Variants in DGKB observed in about 807,000 individuals in gnomAD.
DGKB encodes the protein 90 kDa diacylglycerol kinase.
In DGKB, 67 loss-of-function variants were observed where a neutral mutation model predicts 114.3. The ratio of observed to expected loss-of-function variants is 0.59; its 90% CI spans 0.48 to 0.72. The LOEUF is 0.72. DGKB is among the 30% of genes least tolerant of loss of function. The probability of loss-of-function intolerance (pLI) is 0.00; values close to 1 mark genes in which losing one functional copy is unlikely to be tolerated. For synonymous variants in DGKB, 398 were observed against 323.1 expected (o/e 1.23, Z -2.49); for missense variants, 907 against 975.2 (o/e 0.93, Z 0.93).
intron 21 of DGKB, among the ~76,000 whole-genome samples, chr7:14,393,008 T>TTTTTTTTTTTTTTTTTA (rs71033995): frequency 7.4e-6 from 1 of 134,840 alleles, no homozygotes; most frequent in African/African-American, 2.8e-5. Context: ...TTTTTTTTTT[T>TTTTTTTTTTTTTTTTTA]GAGACGGAGT....
intron 1 of DGKB, among the ~76,000 whole-genome samples, chr7:14,870,035 C>A (rs1221049104): frequency 1.3e-5 from 2 of 152,060 alleles, no homozygotes; most frequent in African/African-American, 4.8e-5. Flanking sequence ...TATTGAGACC[C>A]AGAGTTGCAT....
At chr7:14,436,729 C>G (rs1368442837) in intron 21 of DGKB, among the ~76,000 whole-genome samples, 1 of 152,018 alleles carries the variant, frequency 6.6e-6, no homozygotes, top group Non-Finnish European at 1.5e-5. Context: ...GCAAGAGGTA[C>G]ACATGTTTCT....
chr7:14,256,202 A>T (rs1448248415), intron 23 of DGKB, among the ~76,000 whole-genome samples: 1 of 151,982 alleles, frequency 6.6e-6, no homozygotes, highest in Non-Finnish European at 1.5e-5. Context: ...CCTCTTCCAC[A>T]TACTCTGCAT....
intron 20 of DGKB, among the ~76,000 whole-genome samples, chr7:14,537,819 G>A (rs1223778398): frequency 2.0e-5 from 3 of 152,114 alleles, no homozygotes; most frequent in Non-Finnish European, 2.9e-5. Flanking sequence ...GGTGGCTCAC[G>A]CCTGTAATCC....
chr7:14,771,920 T>C (rs12333881), intron 2 of DGKB, among the ~76,000 whole-genome samples: 19,881 of 151,984 alleles, frequency 0.13, 1,743 homozygotes, highest in African/African-American at 0.26. Flanking sequence ...GAGATTTCTC[T>C]GCACAGTAAT....
chr7:14,248,165 A>T (rs1345324832), intron 23 of DGKB, among the ~76,000 whole-genome samples: 1 of 152,046 alleles, frequency 6.6e-6, no homozygotes. Flanking sequence ...ACCACAAATG[A>T]GTGGATTTAT....
At chr7:14,911,313 T>C (rs540860683) in intron 1 of DGKB, among the ~76,000 whole-genome samples, 1 of 152,276 alleles carries the variant, frequency 6.6e-6, no homozygotes, top group Non-Finnish European at 1.5e-5. Flanking sequence ...GAAAATATTT[T>C]AAATAATTGA....
At chr7:14,394,940 T>G (rs2128715778) in intron 21 of DGKB, among the ~76,000 whole-genome samples, 1 of 152,232 alleles carries the variant, frequency 6.6e-6, no homozygotes, top group South Asian at 2.1e-4. Context: ...GGGTCAACTT[T>G]TCTGTATGTA....
intron 23 of DGKB, among the ~76,000 whole-genome samples, chr7:14,239,830 T>C (rs902919540): frequency 3.3e-5 from 5 of 152,078 alleles, no homozygotes; most frequent in African/African-American, 4.8e-5. Flanking sequence ...ATCATTATTG[T>C]GTCTCCAAAC....
intron 1 of DGKB, among the ~76,000 whole-genome samples, chr7:14,940,367 AG>A (rs1785507172): frequency 6.6e-6 from 1 of 151,826 alleles, no homozygotes. Context: ...AATTTCTACA[AG>A]TTTTTATTGA....
At chr7:14,173,551 G>A (rs1781320250) in intron 25 of DGKB, among the ~76,000 whole-genome samples, 1 of 152,070 alleles carries the variant, frequency 6.6e-6, no homozygotes, top group South Asian at 2.1e-4. Context: ...ATTATGTCTA[G>A]AGCAATTCTT....
intron 23 of DGKB, among the ~76,000 whole-genome samples, chr7:14,266,276 A>T (rs1391539980): frequency 6.6e-6 from 1 of 152,118 alleles, no homozygotes; most frequent in African/African-American, 2.4e-5. Flanking sequence ...AAACTATGAC[A>T]TTTTGCATCA....
intron 17 of DGKB, among the ~76,000 whole-genome samples, chr7:14,596,789 G>T (rs1802656277): frequency 6.6e-6 from 1 of 152,106 alleles, no homozygotes; most frequent in Admixed American, 6.6e-5. Flanking sequence ...AGGGCATGGG[G>T]GAGGGCTCTT....
At chr7:14,305,030 G>A (rs1206800933) in intron 23 of DGKB, among the ~76,000 whole-genome samples, 8 of 152,064 alleles carry the variant, frequency 5.3e-5, no homozygotes, top group African/African-American at 1.2e-4. Context: ...TCACATTTAT[G>A]AGGTACATAT....
chr7:14,852,522 A>C (rs965561583), intron 1 of DGKB, among the ~76,000 whole-genome samples: 63 of 150,290 alleles, frequency 4.2e-4, no homozygotes, highest in Non-Finnish European at 7.4e-4. Context: ...AGTACACTGG[A>C]AAAAGAAAAA....
intron 15 of DGKB, among the ~76,000 whole-genome samples, chr7:14,616,817 C>T (rs769805508): frequency 1.5e-4 from 23 of 151,778 alleles, no homozygotes; most frequent in South Asian, 1.0e-3. Flanking sequence ...TACAGTAATA[C>T]GGTTTCACAC....
chr7:14,390,735 T>C (rs891957132), intron 21 of DGKB, among the ~76,000 whole-genome samples: 2 of 152,182 alleles, frequency 1.3e-5, no homozygotes, highest in East Asian at 3.9e-4. Context: ...AGTCTTGGCA[T>C]GTATTTCATT....
chr7:14,930,792 G>C (rs950900365), intron 1 of DGKB, among the ~76,000 whole-genome samples: 1 of 152,110 alleles, frequency 6.6e-6, no homozygotes, highest in Non-Finnish European at 1.5e-5. Context: ...CCAGTTCTTA[G>C]AGGGAATGAT....
intron 23 of DGKB, among the ~76,000 whole-genome samples, chr7:14,201,994 G>A (rs936879424): frequency 1.1e-4 from 17 of 151,844 alleles, no homozygotes; most frequent in African/African-American, 3.6e-4. Flanking sequence ...TTTAAATTTG[G>A]CTTACAATGA....
Sources: allele counts gnomAD v4.1 joint callset (sites outside exome capture counted in the v4.1 genomes callset), GRCh38; gene constraint gnomAD v4.1.1; transcripts MANE v1.5; gene names NCBI Gene and HGNC (gene_info 2026-07-23, HGNC 2026-07-21).